The following PCDH15 variants were observed in gnomAD, a reference collection of about 807,000 sequenced individuals.
PCDH15 encodes protocadherin related 15, also known as protocadherin-15.
PCDH15 carries 129 observed loss-of-function variants against 178.5 expected under a neutral mutation model. The observed-to-expected ratio is 0.72, with a 90% CI of 0.63 to 0.84. The LOEUF is 0.84. Ranked by LOEUF, PCDH15 falls within the 40% of genes least tolerant of loss-of-function variation. The pLI, the probability that PCDH15 is intolerant of heterozygous loss-of-function variation, is 0.00. For synonymous variants in PCDH15, 800 were observed against 732.0 expected, an observed-to-expected ratio of 1.09 and a Z score of -1.50; for missense variants, 2,230 against 2,099.9, an observed-to-expected ratio of 1.06 and a Z score of -1.21.
intron 2 of PCDH15, among the ~76,000 whole-genome samples, chr10:55,136,751 A>C (rs1421048997): frequency 6.6e-6 from 1 of 152,164 alleles, no homozygotes; most frequent in East Asian, 1.9e-4. Context: ...CATTGAAAGA[A>C]ATATAATACA....
chr10:55,551,933 T>C (rs1465672965), intron 2 of PCDH15, among the ~76,000 whole-genome samples: 2 of 151,774 alleles, frequency 1.3e-5, no homozygotes, highest in African/African-American at 2.4e-5. Flanking sequence ...GTGTAAAATT[T>C]AGCATTATTT....
At chr10:55,517,781 T>C (rs1049874433) in intron 2 of PCDH15, among the ~76,000 whole-genome samples, 3 of 152,132 alleles carry the variant, frequency 2.0e-5, no homozygotes. Flanking sequence ...CTGTGCTACA[T>C]CCCTACCATG....
intron 2 of PCDH15, among the ~76,000 whole-genome samples, chr10:55,128,874 C>T (rs1230492665): frequency 6.6e-6 from 1 of 152,078 alleles, no homozygotes; most frequent in Non-Finnish European, 1.5e-5. Context: ...TTGCAAGCAT[C>T]AAGTTAGCCT....
chr10:55,466,915 C>G (rs2132101945), intron 2 of PCDH15, among the ~76,000 whole-genome samples: 1 of 152,256 alleles, frequency 6.6e-6, no homozygotes, highest in South Asian at 2.1e-4. Context: ...AGTCTTTTTT[C>G]AGAGATGTGC....
chr10:53,822,938 A>T (rs200659780), intron 32 of PCDH15: 1 of 1,614,018 alleles, frequency 6.2e-7, no homozygotes, highest in Non-Finnish European at 8.5e-7. Flanking sequence ...ACTGCTGCAG[A>T]TCTATGATCT....
intron 2 of PCDH15, among the ~76,000 whole-genome samples, chr10:55,353,524 T>C (rs1336471293): frequency 6.6e-6 from 1 of 152,130 alleles, no homozygotes; most frequent in African/African-American, 2.4e-5. Flanking sequence ...AAAACTGATA[T>C]TCCTACCTTA....
intron 5 of PCDH15, among the ~76,000 whole-genome samples, chr10:54,366,811 T>C (rs889432083): frequency 6.6e-6 from 1 of 151,828 alleles, no homozygotes; most frequent in African/African-American, 2.4e-5. Flanking sequence ...TATCAAACCA[T>C]AGAAGATATG....
intron 1 of PCDH15, among the ~76,000 whole-genome samples, chr10:55,256,659 C>A (rs779846209): frequency 8.5e-5 from 13 of 152,166 alleles, no homozygotes; most frequent in Non-Finnish European, 1.3e-4. Flanking sequence ...AACTGCAAGG[C>A]GGCAGCGAGG....
chr10:54,990,333 T>TA (rs1382765604), intron 2 of PCDH15, among the ~76,000 whole-genome samples: 1 of 152,160 alleles, frequency 6.6e-6, no homozygotes, highest in Non-Finnish European at 1.5e-5. Context: ...TTTCAAAAAA[T>TA]AGTGCTTTAA....
chr10:54,657,057 C>T (rs890281282), intron 2 of PCDH15, among the ~76,000 whole-genome samples: 1 of 152,136 alleles, frequency 6.6e-6, no homozygotes, highest in African/African-American at 2.4e-5. Context: ...AGCATCCCAG[C>T]AACTGAAGGC....
In PCDH15 at chr10:53,853,241, A is replaced by ATCTT. The variant is rs955579261; in HGVS notation, c.3806+3930_3806+3933dup. 3.3e-5 allele frequency among the ~76,000 whole-genome samples: 5 copies of ATCTT among 151,966 alleles called. 1 individual carries two copies. Among genetic ancestry groups the ATCTT allele is most frequent in the African/African-American group, 1.2e-4 (5 of 41,440 alleles). On this transcript the variant is annotated intron_variant, in intron 28 of 37. Transcript: ENST00000644397. ...GTAAAAAAAAAAAGGCTGGACCCTT[A>ATCTT]TCTTACACCATATACAAAAATTAAC...
chr10:55,266,420 G>C (rs189281098), intron 1 of PCDH15, among the ~76,000 whole-genome samples: 4 of 152,158 alleles, frequency 2.6e-5, no homozygotes, highest in Admixed American at 6.5e-5. Flanking sequence ...CTCTTCAGAG[G>C]GGGGAGATGA....
At chr10:54,040,409 G>C (rs2093516870) in intron 18 of PCDH15, among the ~76,000 whole-genome samples, 2 of 151,944 alleles carry the variant, frequency 1.3e-5, no homozygotes, top group South Asian at 4.1e-4. Context: ...TGCCATGTAA[G>C]ACGTGCCTTT....
At chr10:55,393,212 A>C (rs1277802460) in intron 2 of PCDH15, among the ~76,000 whole-genome samples, 2 of 152,048 alleles carry the variant, frequency 1.3e-5, no homozygotes, top group African/African-American at 4.8e-5. Flanking sequence ...AATTATGAGA[A>C]AGATTAAGAT....
chr10:54,164,925 T>A (rs1428366896), intron 13 of PCDH15, among the ~76,000 whole-genome samples: 1 of 152,214 alleles, frequency 6.6e-6, no homozygotes, highest in African/African-American at 2.4e-5. Flanking sequence ...TAAGGTCTAC[T>A]GGGTCTCTCC....
chr10:54,831,084 C>G (rs1953217957), intron 3 of PCDH15, among the ~76,000 whole-genome samples: 1 of 151,996 alleles, frequency 6.6e-6, no homozygotes, highest in Non-Finnish European at 1.5e-5. Context: ...TGCATTTGTA[C>G]CTAGTGCTTA....
At chr10:55,000,318 A>C (rs1839769323) in intron 2 of PCDH15, among the ~76,000 whole-genome samples, 2 of 152,168 alleles carry the variant, frequency 1.3e-5, no homozygotes, top group Non-Finnish European at 2.9e-5. Context: ...TGAGAAAAAG[A>C]ATTCAGCGAT....
intron 2 of PCDH15, among the ~76,000 whole-genome samples, chr10:55,064,682 A>G (rs1209311529): frequency 6.6e-5 from 10 of 152,116 alleles, no homozygotes; most frequent in African/African-American, 2.4e-4. Flanking sequence ...CAAAAGACCT[A>G]GGATGTCAAA....
intron 2 of PCDH15, among the ~76,000 whole-genome samples, chr10:54,951,467 A>T (rs1838335448): frequency 6.6e-6 from 1 of 151,930 alleles, no homozygotes; most frequent in Non-Finnish European, 1.5e-5. Flanking sequence ...CACCTATAGA[A>T]GGACATCTTG....
Sources: allele counts gnomAD v4.1 joint callset (sites outside exome capture counted in the v4.1 genomes callset), GRCh38; gene constraint gnomAD v4.1.1; transcripts MANE v1.5; gene names NCBI Gene and HGNC (gene_info 2026-07-23, HGNC 2026-07-21).